Variants in NAV2 observed in about 807,000 individuals in gnomAD.
The protein encoded by NAV2 is neuron navigator 2.
A neutral mutation model predicts 223.2 loss-of-function variants in NAV2; 54 were observed. The observed-to-expected ratio is 0.24, with a 90% CI of 0.19 to 0.30. The LOEUF is 0.30. NAV2 is among the 10% of genes least tolerant of loss of function. NAV2 has a pLI of 1.00. For synonymous variants in NAV2, 1,279 were observed against 1,239.3 expected (o/e 1.03, Z -0.67); for missense variants, 2,806 against 3,147.5 (o/e 0.89, Z 2.60).
At chr11:19,780,215 T>A (rs891937327) in intron 1 of NAV2, among the ~76,000 whole-genome samples, 5 of 152,182 alleles carry the variant, frequency 3.3e-5, no homozygotes, top group African/African-American at 1.2e-4. Context: ...CCTACATCTG[T>A]CCAAATCCCA....
intron 34 of NAV2, chr11:20,104,214 G>T (rs939735702): frequency 5.7e-6 from 1 of 174,050 alleles, no homozygotes; most frequent in Admixed American, 5.7e-5. Flanking sequence ...TCCCTGCCCC[G>T]CTGCCATAGC....
At chr11:19,574,811 T>A (rs966422588) in intron 1 of NAV2, among the ~76,000 whole-genome samples, 1 of 151,880 alleles carries the variant, frequency 6.6e-6, no homozygotes, top group African/African-American at 2.4e-5. Flanking sequence ...AAGTGATGAG[T>A]GTGGGGAGAA....
intron 1 of NAV2, among the ~76,000 whole-genome samples, chr11:19,784,488 A>T (rs2056970006): frequency 6.6e-6 from 1 of 150,534 alleles, no homozygotes; most frequent in Non-Finnish European, 1.5e-5. Context: ...TATTATTGAC[A>T]CTCCTTAGGT....
At position 19,784,652 on chromosome 11, in the gene NAV2, C is replaced by G. The variant is rs139658176; in HGVS notation, c.268-47832C>G. ...GCAGAGTAAGTTGCATTTATAGTTG[C>G]ACTTGATCACTCCAAGTATAAGAGA... On this transcript the variant is annotated intron_variant, in intron 1 of 37. Transcript: ENST00000349880. Among the ~76,000 whole-genome samples, 29 of 152,106 alleles carry G rather than the reference C, an allele frequency of 1.9e-4. No individual in the cohort carries two copies. The East Asian group carries it at 5.6e-3, about 29-fold the overall frequency.
intron 1 of NAV2, among the ~76,000 whole-genome samples, chr11:19,495,142 C>T (rs150716736): frequency 6.6e-4 from 101 of 152,362 alleles, no homozygotes; most frequent in African/African-American, 2.3e-3. Context: ...AGCATGAACT[C>T]AGCTGTCAGC....
intron 10 of NAV2, among the ~76,000 whole-genome samples, chr11:19,962,263 C>T (rs2048403489): frequency 6.6e-6 from 1 of 151,810 alleles, no homozygotes; most frequent in South Asian, 2.1e-4. Flanking sequence ...GGATGAGACC[C>T]ACCTACATTA....
intron 1 of NAV2, among the ~76,000 whole-genome samples, chr11:19,429,893 G>A (rs1202252575): frequency 6.6e-6 from 1 of 152,148 alleles, no homozygotes; most frequent in Non-Finnish European, 1.5e-5. Context: ...TCACTTCCCT[G>A]TCACTTGGAG....
intron 1 of NAV2, among the ~76,000 whole-genome samples, chr11:19,491,162 G>A (rs2042613238): frequency 6.6e-6 from 1 of 151,990 alleles, no homozygotes; most frequent in Non-Finnish European, 1.5e-5. Context: ...ATCCTTAAGG[G>A]CCCTAGGATT....
intron 7 of NAV2, among the ~76,000 whole-genome samples, chr11:19,935,864 T>TTTTTTTTTTTTTTTTTTTTTTTTTTTG (rs1353477125): frequency 9.9e-6 from 1 of 101,154 alleles, no homozygotes; most frequent in Non-Finnish European, 2.0e-5. Flanking sequence ...TTTTTTTTTT[T>TTTTTTTTTTTTTTTTTTTTTTTTTTTG]TTTTTTTTTT....
chr11:19,399,089 GTC>G (rs750851482), intron 1 of NAV2, among the ~76,000 whole-genome samples: 15 of 152,172 alleles, frequency 9.9e-5, no homozygotes, highest in Admixed American at 2.6e-4. Flanking sequence ...CACTTTCAAG[GTC>G]TCTGGTGAAA....
At chr11:19,889,942 A>C (rs2153129816) in intron 5 of NAV2, among the ~76,000 whole-genome samples, 1 of 152,304 alleles carries the variant, frequency 6.6e-6, no homozygotes, top group Admixed American at 6.5e-5. Flanking sequence ...TCTCTCTGAT[A>C]CTTTAACCTA....
At chr11:19,449,577 T>G (rs1195054410) in intron 1 of NAV2, among the ~76,000 whole-genome samples, 1 of 126,662 alleles carries the variant, frequency 7.9e-6, no homozygotes, top group Admixed American at 1.0e-4. Flanking sequence ...ACCTTGCACC[T>G]GACTGAGAGC....
At chr11:19,412,401 A>C (rs1048715185) in intron 1 of NAV2, among the ~76,000 whole-genome samples, 4 of 152,212 alleles carry the variant, frequency 2.6e-5, no homozygotes, top group Admixed American at 1.3e-4. Context: ...GGCATCTCTG[A>C]AAGAAAGGCA....
intron 1 of NAV2, among the ~76,000 whole-genome samples, chr11:19,824,769 C>T (rs933044126): frequency 1.6e-4 from 25 of 152,326 alleles, no homozygotes; most frequent in African/African-American, 5.8e-4. Context: ...GGGTATCATA[C>T]TCCTTGCTAG....
At chr11:19,487,229 C>T (rs1025087568) in intron 1 of NAV2, among the ~76,000 whole-genome samples, 6 of 152,336 alleles carry the variant, frequency 3.9e-5, no homozygotes, top group East Asian at 1.9e-4. Context: ...AGACTCATCA[C>T]TTGCAAGGTC....
intron 1 of NAV2, among the ~76,000 whole-genome samples, chr11:19,819,723 ACT>A (rs2152843426): frequency 6.6e-6 from 1 of 152,348 alleles, no homozygotes; most frequent in East Asian, 1.9e-4. Flanking sequence ...CTTTACAAAC[ACT>A]GAGTCCCCAC....
chr11:19,955,637 C>G (rs371746725), intron 10 of NAV2, among the ~76,000 whole-genome samples: 1 of 152,164 alleles, frequency 6.6e-6, no homozygotes. Context: ...GATAGACATG[C>G]CCCTGTTCAT....
chr11:20,052,398 C>A (rs1650661760), intron 17 of NAV2, among the ~76,000 whole-genome samples: 1 of 152,180 alleles, frequency 6.6e-6, no homozygotes, highest in African/African-American at 2.4e-5. Flanking sequence ...AGCAGTGTGG[C>A]CTTAGAGGGG....
In NAV2 at chr11:19,392,090, G is replaced by C. The variant is rs138997412; in HGVS notation, c.75+41063G>C. Among the ~76,000 whole-genome samples the C allele has an allele frequency of 1.4e-3, 216 of 152,328 alleles. 3 individuals are homozygous for C. Among genetic ancestry groups the C allele is most frequent in the African/African-American group, 5.1e-3 (213 of 41,566 alleles). ...GTTTCTAGGAACCAAGGATTAATCA[G>C]ACTCTCCTTTTACTTTGATGATGGA... On this transcript the variant is annotated intron_variant, in intron 1 of 37. Coordinates refer to the NAV2 transcript ENST00000360655.
Sources: allele counts gnomAD v4.1 joint callset (sites outside exome capture counted in the v4.1 genomes callset), GRCh38; gene constraint gnomAD v4.1.1; transcripts MANE v1.5; gene names NCBI Gene and HGNC (gene_info 2026-07-23, HGNC 2026-07-21).